The following FYB1 variants were observed in gnomAD, a reference collection of about 807,000 sequenced individuals.
The protein encoded by FYB1 is FYN-binding protein 1.
Under a neutral mutation model 94.1 loss-of-function variants are expected in FYB1, and 41 were observed. The ratio of observed to expected loss-of-function variants is 0.44; its 90% CI spans 0.34 to 0.57. The LOEUF is 0.57. Among genes scored for constraint, FYB1 ranks in the 20% least tolerant of loss-of-function variants. The probability of loss-of-function intolerance (pLI) is 0.02; values close to 1 mark genes in which losing one functional copy is unlikely to be tolerated. For synonymous variants in FYB1, 367 were observed against 353.2 expected (o/e 1.04, Z -0.44); for missense variants, 1,050 against 976.8 (o/e 1.07, Z -1.00).
intron 12 of FYB1, among the ~76,000 whole-genome samples, chr5:39,124,822 T>C (rs1239105802): frequency 6.6e-6 from 1 of 151,870 alleles, no homozygotes; most frequent in Non-Finnish European, 1.5e-5. Flanking sequence ...GCTTATTAAT[T>C]AAAGTGCTCT....
At chr5:39,210,391 A>T (rs1350903119) in intron 1 of FYB1, among the ~76,000 whole-genome samples, 1 of 152,210 alleles carries the variant, frequency 6.6e-6, no homozygotes, top group Non-Finnish European at 1.5e-5. Flanking sequence ...GATGATCCGG[A>T]TCCTTCTCCT....
intron 14 of FYB1, among the ~76,000 whole-genome samples, chr5:39,119,952 C>T (rs935079582): frequency 6.6e-6 from 1 of 152,030 alleles, no homozygotes. Flanking sequence ...TTAATCTATT[C>T]TTAAACCTCC....
chr5:39,108,175 TA>T, intron 18 of FYB1, 55 bp downstream of exon 18: 1 of 1,438,194 alleles, frequency 7.0e-7, no homozygotes, highest in South Asian at 1.3e-5. Context: ...TTAGCATTTA[TA>T]AAAACAGTAA....
intron 1 of FYB1, among the ~76,000 whole-genome samples, chr5:39,219,097 T>G (rs943284698): frequency 6.6e-6 from 1 of 152,358 alleles, no homozygotes; most frequent in South Asian, 2.1e-4. Context: ...CCAGCTCTGT[T>G]GGCAATAAAA....
Position 39,232,519 on chromosome 5 carries a change from TTTATTTTA to T in FYB1, c.-27-29540_-27-29533del, listed in dbSNP as rs1293538649. On this transcript the variant is annotated intron_variant, in intron 1 of 1. Transcript: ENST00000510188. ...TAAGTGTGACATTTTAGCATAAACATTTATTTTATTTATTTATTTATTTATTTATTTTT... is the reference window on the plus strand; with the variant it reads ...TAAGTGTGACATTTTAGCATAAACATTTTATTTATTTATTTATTTATTTTT... Among the ~76,000 whole-genome samples, 17 of 149,654 alleles carry T rather than the reference TTTATTTTA, an allele frequency of 1.1e-4. No individual in the cohort carries two copies. In the South Asian group the frequency reaches 1.5e-3, roughly 13 times the overall value.
At chr5:39,199,673 T>C (rs1168103121) in intron 2 of FYB1, among the ~76,000 whole-genome samples, 1 of 152,204 alleles carries the variant, frequency 6.6e-6, no homozygotes. Context: ...TTTATGTTCA[T>C]ATTTGCTTCT....
chr5:39,138,584 C>T, intron 6 of FYB1, 73 bp downstream of exon 6: 1 of 826,142 alleles, frequency 1.2e-6, no homozygotes, highest in South Asian at 1.7e-5. Flanking sequence ...TTGTTATATA[C>T]CCACTCTCCC....
At position 39,253,882 on chromosome 5, in the gene FYB1, T is replaced by A. The variant is rs554654392; in HGVS notation, c.-28+20521A>T. Among the ~76,000 whole-genome samples, 8 of 152,316 alleles carry A rather than the reference T, an allele frequency of 5.3e-5. No individual in the cohort carries two copies. The East Asian group carries it at 1.5e-3, about 29-fold the overall frequency. ...TGCCCCAGTGTGTGTTGTTGCCCTC[T>A]ATGAGTCCATGTGTTCTTATCATTT... is the stretch of plus-strand genomic sequence containing the variant. On this transcript the variant is annotated intron_variant, in intron 1 of 1. Coordinates refer to the FYB1 transcript ENST00000510188.
At chr5:39,112,977 C>T (rs1580292472) in intron 16 of FYB1, among the ~76,000 whole-genome samples, 1 of 151,928 alleles carries the variant, frequency 6.6e-6, no homozygotes, top group Admixed American at 6.6e-5. Context: ...TGTGATAACA[C>T]GGGGCTTGTT....
intron 2 of FYB1, among the ~76,000 whole-genome samples, chr5:39,200,223 T>C (rs1748191373): frequency 6.6e-6 from 1 of 152,178 alleles, no homozygotes; most frequent in Non-Finnish European, 1.5e-5. Context: ...CCCTTGTAGC[T>C]TTACTTCACT....
At chr5:39,192,909 T>C (rs892425312) in intron 2 of FYB1, among the ~76,000 whole-genome samples, 9 of 152,224 alleles carry the variant, frequency 5.9e-5, no homozygotes, top group Admixed American at 3.3e-4. Flanking sequence ...ATAGGCCAGC[T>C]CCAGGGGCCT....
Position 39,214,928 on chromosome 5 carries a change from C to CA in FYB1, c.-28+4514dup, listed in dbSNP as rs879602041. ...TGGGCAACAGAGCGAGATTCTGTGT[C>CA]AAAAAAAAAATATTGTGTGATTTCA... On this transcript the variant is annotated intron_variant, in intron 1 of 18. Transcript: ENST00000512982. Among the ~76,000 whole-genome samples, 473 of 149,280 alleles carry CA rather than the reference C, an allele frequency of 3.2e-3. 2 individuals are homozygous for CA. The highest frequency in any genetic ancestry group is 4.4e-3 in the Non-Finnish European group (297 of 67,200).
intron 2 of FYB1, among the ~76,000 whole-genome samples, chr5:39,165,576 T>G (rs1258348260): frequency 1.3e-5 from 2 of 152,170 alleles, no homozygotes; most frequent in African/African-American, 4.8e-5. Flanking sequence ...GTCATTAGCC[T>G]AGGCAAAAAT....
chr5:39,220,426 A>C (rs891492018), upstream of FYB1, among the ~76,000 whole-genome samples: 23 of 151,776 alleles, frequency 1.5e-4, 1 homozygote, highest in African/African-American at 5.5e-4. Flanking sequence ...GGAAAAAAAA[A>C]AAAGAAGAAA....
In FYB1 at chr5:39,201,784, T is replaced by C. The variant is rs552521702; in HGVS notation, c.1135+42A>G. The C allele has an allele frequency of 1.6e-5, 25 of 1,531,330 alleles. No individual in the cohort carries two copies. The African/African-American group carries it at 3.0e-4, about 19-fold the overall frequency. 94.9% of individuals were successfully genotyped at this position (1,531,330 alleles called of 1,614,324 possible). On this transcript the variant is annotated intron_variant, in intron 2 of 18. Coordinates refer to ENST00000512982, the MANE Select transcript of FYB1 (RefSeq NM_001465.6). ...CCAGAAGCTAAAACATTCTCTGCCT[T>C]GGAGTAAACCATACTGAATAGCAAA...
chr5:39,182,304 T>C (rs991562687), intron 2 of FYB1, among the ~76,000 whole-genome samples: 1 of 3,062 alleles, frequency 3.3e-4, no homozygotes, highest in African/African-American at 7.8e-4. Context: ...TGTGTGTGTG[T>C]GTGTGTGTGT....
At chr5:39,235,216 A>T (rs1425161341) in intron 1 of FYB1, among the ~76,000 whole-genome samples, 1 of 152,040 alleles carries the variant, frequency 6.6e-6, no homozygotes, top group African/African-American at 2.4e-5. Flanking sequence ...GGAGGCAAGA[A>T]ACAATGACTG....
chr5:39,182,313 G>A lies in FYB1; in HGVS notation c.1135+19513C>T, dbSNP rs934613457. Reference sequence around the variant, plus strand: ...TGTGTGTGTGTGTGTGTGTGTGTGTGTGTGTGTGTGTGTGTGTGTGTGTGT... The same window carrying A: ...TGTGTGTGTGTGTGTGTGTGTGTGTATGTGTGTGTGTGTGTGTGTGTGTGT... On this transcript the variant is annotated intron_variant, in intron 2 of 18. Coordinates refer to ENST00000512982, the MANE Select transcript of FYB1 (RefSeq NM_001465.6). Among the ~76,000 whole-genome samples the A allele has an allele frequency of 6.6e-4, 87 of 132,702 alleles. 1 individual carries two copies. The highest frequency in any genetic ancestry group is 7.7e-3 in the Middle Eastern group (2 of 260). The allele number at this position is 132,702 out of a possible 152,430, so 87.1% of individuals were successfully genotyped here. A position where few individuals can be genotyped will look rare whatever the true frequency, so the allele number is the denominator to read the frequency against.
intron 3 of FYB1, among the ~76,000 whole-genome samples, chr5:39,143,686 T>C (rs1742385810): frequency 6.6e-6 from 1 of 152,180 alleles, no homozygotes; most frequent in Admixed American, 6.5e-5. Flanking sequence ...TTGAAGAATG[T>C]GGGCTGGAAG....
Sources: allele counts gnomAD v4.1 joint callset (sites outside exome capture counted in the v4.1 genomes callset), GRCh38; gene constraint gnomAD v4.1.1; transcripts MANE v1.5; gene names NCBI Gene and HGNC (gene_info 2026-07-23, HGNC 2026-07-21).